Variants in MTCL1 observed in about 807,000 individuals in gnomAD.
MTCL1 encodes microtubule cross-linking factor 1.
In MTCL1, 79 loss-of-function variants were observed where a neutral mutation model predicts 141.4. That is an observed-to-expected ratio of 0.56 (90% CI 0.47 to 0.67). MTCL1 has a LOEUF of 0.67. Among genes scored for constraint, MTCL1 ranks in the 30% least tolerant of loss-of-function variants. The pLI, the probability that MTCL1 is intolerant of heterozygous loss-of-function variation, is 0.00. For missense variants in MTCL1, 2,177 were observed against 2,113.9 expected, an observed-to-expected ratio of 1.03 and a Z score of -0.59; for synonymous variants, 914 against 875.8, an observed-to-expected ratio of 1.04 and a Z score of -0.77.
At chr18:8,716,953 A>T (rs888384507), upstream of MTCL1, among the ~76,000 whole-genome samples, 1 of 152,112 alleles carries the variant, frequency 6.6e-6, no homozygotes, top group Non-Finnish European at 1.5e-5. Context: ...ACCTGCAGCT[A>T]CATCTGTGGG....
exon 6 of MTCL1, chr18:8,784,627 C>T: frequency 6.2e-7 from 1 of 1,613,624 alleles, no homozygotes; most frequent in Non-Finnish European, 8.5e-7. Flanking sequence ...GTGAGGGGGA[C>T]CAGCAGGAGC....
chr18:8,710,856 TTA>T (rs1322115694), intron 1 of MTCL1, among the ~76,000 whole-genome samples: 9 of 114,648 alleles, frequency 7.9e-5, no homozygotes, highest in Admixed American at 5.4e-4. Context: ...TTTTTTTTTT[TTA>T]ATCTGTTTTC....
exon 13 of MTCL1, chr18:8,819,227 C>A (rs2076761908): frequency 6.2e-7 from 1 of 1,614,106 alleles, no homozygotes. Flanking sequence ...AGCCCACAGG[C>A]CCGAGAGGGA....
chr18:8,727,182 TTTC>T (rs750416308), intron 4 of MTCL1, among the ~76,000 whole-genome samples: 1 of 142,250 alleles, frequency 7.0e-6, no homozygotes, highest in Non-Finnish European at 1.6e-5. Flanking sequence ...TATACCACAC[TTTC>T]TTTATCTAAT....
intron 7 of MTCL1, 32 bp downstream of exon 6, chr18:8,786,123 CCCT>C: frequency 8.5e-7 from 1 of 1,173,532 alleles, no homozygotes; most frequent in Non-Finnish European, 1.2e-6. Flanking sequence ...CCCCCCCCCG[CCCT>C]CCCCCTCCTT....
chr18:8,725,433 C>T (rs1002271404), intron 4 of MTCL1, among the ~76,000 whole-genome samples: 27 of 152,172 alleles, frequency 1.8e-4, no homozygotes, highest in Non-Finnish European at 3.7e-4. Context: ...AGATTGAAGA[C>T]TTCAATTGTA....
At chr18:8,795,098 A>G (rs571706605) in intron 8 of MTCL1, among the ~76,000 whole-genome samples, 1 of 152,348 alleles carries the variant, frequency 6.6e-6, no homozygotes, top group Non-Finnish European at 1.5e-5. Context: ...CTGTTATTTC[A>G]GCCAAAACTA....
intron 4 of MTCL1, among the ~76,000 whole-genome samples, chr18:8,758,402 C>T (rs990462006): frequency 1.1e-4 from 16 of 152,204 alleles, no homozygotes; most frequent in African/African-American, 3.9e-4. Context: ...TCATGGCTCA[C>T]TCCTTGTTTC....
exon 15 of MTCL1, chr18:8,826,060 A>G (rs1419141728): frequency 1.2e-6 from 2 of 1,611,616 alleles, no homozygotes; most frequent in Non-Finnish European, 1.7e-6. Context: ...GTGAAGCAGG[A>G]CTTATCTGCT....
chr18:8,815,340 GAAA>G (rs1166472318), intron 12 of MTCL1, among the ~76,000 whole-genome samples: 5 of 151,924 alleles, frequency 3.3e-5, no homozygotes, highest in Admixed American at 6.6e-5. Context: ...GATGAAATTG[GAAA>G]TCATCATTCT....
At position 8,784,521 on chromosome 18, in the gene MTCL1, G is replaced by A. The variant is rs139142059; in HGVS notation, c.1409G>A (p.Arg470His). Residue 470 changes from arginine to histidine, a missense_variant, in exon 6 of 17, where the codon CGC (arginine) becomes CAC (histidine). By Grantham distance (29) the Arg-to-His change is conservative. Coordinates refer to ENST00000359865, the Ensembl canonical transcript of MTCL1. ...CAGCGGCTAGAGCGGACGGTGGAGC[G>A]CCTCATCACGGACACCGACAGCTTC... 8.1e-6 allele frequency: 13 copies of A among 1,602,442 alleles called. No homozygotes were observed. The East Asian group carries it at 1.1e-4, about 14-fold the overall frequency.
In MTCL1 at chr18:8,779,083, C is replaced by G. The variant is rs1381714578; in HGVS notation, c.417+1191C>G. Among the ~76,000 whole-genome samples, 1 of 152,224 alleles carries G rather than the reference C, an allele frequency of 6.6e-6. No individual in the cohort carries two copies. The highest frequency in any genetic ancestry group is 1.5e-5 in the Non-Finnish European group (1 of 68,032). The stretch of plus-strand genomic sequence containing the variant: ...GGAACTGCAGGCCCGCAACCAAAAC[C>G]CAAAGGAAGCTGGCGCCCCGGCGCA... On this transcript the variant is annotated intron_variant, in intron 5 of 16. Coordinates refer to ENST00000359865, the Ensembl canonical transcript of MTCL1. The surrounding 1 kb of genome is among the most constrained non-coding windows in gnomAD (Gnocchi z 4.1).
rs115687647 is a variant in MTCL1, at chr18:8,806,918, G to A, written c.2462G>A (p.Ser821Asn). ...GTGGTGGAAAACCAGCAGCTGTTCAGCGCCTTCAAGGCCTTGCTGGAGGAC... is the reference window on the plus strand; with the variant it reads ...GTGGTGGAAAACCAGCAGCTGTTCAACGCCTTCAAGGCCTTGCTGGAGGAC... Residue 821 changes from serine to asparagine, a missense_variant, in exon 11 of 17, where the codon AGC (serine) becomes AAC (asparagine). Physicochemically the swap from Ser to Asn is conservative, Grantham distance 46. Transcript: ENST00000359865. 3.0e-4 allele frequency: 490 copies of A among 1,613,622 alleles called. 1 individual carries two copies. The African/African-American group carries it at 5.8e-3, about 19-fold the overall frequency.
At chr18:8,809,308 TA>T in intron 11 of MTCL1, 1 of 1,077,020 alleles carries the variant, frequency 9.3e-7, no homozygotes, top group Non-Finnish European at 1.3e-6. Flanking sequence ...TTATGGTCAC[TA>T]ACTTTCCACT....
chr18:8,789,728 T>G (rs1428511908), intron 7 of MTCL1: 2 of 984,840 alleles, frequency 2.0e-6, no homozygotes, highest in African/African-American at 3.5e-5. Context: ...CCTAGGTAAG[T>G]GAACAAAAAA....
chr18:8,804,996 A>C (rs1188218402), intron 10 of MTCL1, among the ~76,000 whole-genome samples: 2 of 151,668 alleles, frequency 1.3e-5, no homozygotes, highest in African/African-American at 2.4e-5. Context: ...CAAAAAAAAA[A>C]AAAAAAAAAG....
intron 4 of MTCL1, among the ~76,000 whole-genome samples, chr18:8,738,193 G>C (rs1281530480): frequency 1.3e-5 from 2 of 152,198 alleles, no homozygotes; most frequent in Non-Finnish European, 2.9e-5. Flanking sequence ...CCTGGGATTT[G>C]AGGTTATTGG....
chr18:8,733,121 G>A (rs1598426762), intron 4 of MTCL1, among the ~76,000 whole-genome samples: 1 of 152,214 alleles, frequency 6.6e-6, no homozygotes, highest in South Asian at 2.1e-4. Context: ...CAGGGGGGAG[G>A]AAGGTGAGAG....
chr18:8,776,725 A>G (rs1157622931), intron 4 of MTCL1, among the ~76,000 whole-genome samples: 5 of 2,198 alleles, frequency 2.3e-3, no homozygotes, highest in African/African-American at 0.017. Flanking sequence ...AACACTAGTT[A>G]TTTATTTATT....
Sources: gnomAD v4.1 joint callset for allele counts (sites outside exome capture counted in the v4.1 genomes callset) on GRCh38, gnomAD v4.1.1 for gene constraint, Gnocchi (gnomAD v3.1) non-coding constraint, MANE v1.5 for transcripts, NCBI Gene and HGNC (gene_info 2026-07-23, HGNC 2026-07-21) for gene names.